UFSP2: variants seen among roughly 807,000 people sequenced by gnomAD.
UFSP2 encodes the protein ufm1-specific protease 2.
In UFSP2, 43 loss-of-function variants were observed where a neutral mutation model predicts 60.2. That is an observed-to-expected ratio of 0.71 (90% CI 0.56 to 0.92). The LOEUF is 0.92. Ranked by LOEUF, UFSP2 falls within the 40% of genes least tolerant of loss-of-function variation. The pLI, the probability that UFSP2 is intolerant of heterozygous loss-of-function variation, is 0.00. For missense variants in UFSP2, 520 were observed against 575.0 expected (o/e 0.90, Z 0.98); for synonymous variants, 183 against 195.1 (o/e 0.94, Z 0.52).
At chr4:185,420,159 C>T (rs1252852300) in intron 2 of UFSP2, among the ~76,000 whole-genome samples, 1 of 134,174 alleles carries the variant, frequency 7.5e-6, no homozygotes, top group Non-Finnish European at 1.6e-5. Context: ...ATAATCAAAG[C>T]TCTGTGTTCT....
At chr4:185,401,011 A>T (rs1485959640) in intron 11 of UFSP2, among the ~76,000 whole-genome samples, 1 of 152,242 alleles carries the variant, frequency 6.6e-6, no homozygotes, top group African/African-American at 2.4e-5. Flanking sequence ...AGAGAAAATT[A>T]CTTTCAAGCA....
At chr4:185,406,115 A>G (rs912992737) in intron 9 of UFSP2, 3 of 536,558 alleles carry the variant, frequency 5.6e-6, no homozygotes, top group Non-Finnish European at 6.2e-6. Flanking sequence ...CTTGAACTGT[A>G]TAAAGGAGGC....
rs1302248279 is a variant in UFSP2 at position 185,415,689 on chromosome 4, T to C, written c.491+21A>G. 23 of 1,594,976 alleles carry C rather than the reference T, an allele frequency of 1.4e-5. No homozygotes were observed. The Admixed American group carries it at 3.9e-4, about 27-fold the overall frequency. ...AAGGGCCCTCATTCAAATGTGGCAG[T>C]GGTACTATAAAAATACTTACTTTCC... is the stretch of plus-strand genomic sequence containing the variant. On this transcript the variant is annotated intron_variant, in intron 5 of 11. Coordinates refer to ENST00000264689, the MANE Select transcript of UFSP2 (RefSeq NM_018359.5).
chr4:185,404,909 C>T (rs886990676), intron 10 of UFSP2, among the ~76,000 whole-genome samples: 1 of 152,016 alleles, frequency 6.6e-6, no homozygotes. Flanking sequence ...AAAACATAAG[C>T]TCATACAATC....
intron 2 of UFSP2, among the ~76,000 whole-genome samples, chr4:185,419,192 C>T (rs1326692864): frequency 2.0e-5 from 3 of 151,850 alleles, no homozygotes; most frequent in Admixed American, 6.6e-5. Flanking sequence ...AGTGCAGTGG[C>T]GCGATCTGGG....
At chr4:185,424,039 G>A (rs1303666310) in intron 1 of UFSP2, among the ~76,000 whole-genome samples, 3 of 151,812 alleles carry the variant, frequency 2.0e-5, no homozygotes, top group South Asian at 2.1e-4. Context: ...AGTGGCTCAC[G>A]CCTGTAATCC....
chr4:185,404,044 A>C (rs1030812781), intron 10 of UFSP2, among the ~76,000 whole-genome samples: 1 of 151,750 alleles, frequency 6.6e-6, no homozygotes, highest in African/African-American at 2.4e-5. Context: ...ACTACCCTAC[A>C]CTATAAAAGA....
intron 7 of UFSP2, among the ~76,000 whole-genome samples, chr4:185,412,175 T>C (rs1332967077): frequency 2.0e-5 from 3 of 152,218 alleles, no homozygotes; most frequent in Non-Finnish European, 2.9e-5. Flanking sequence ...ATGATAAATA[T>C]GTAAAGTATA....
intron 11 of UFSP2, among the ~76,000 whole-genome samples, chr4:185,402,021 C>A (rs2095513845): frequency 6.6e-6 from 1 of 152,204 alleles, no homozygotes; most frequent in Non-Finnish European, 1.5e-5. Flanking sequence ...TCTGGACGCA[C>A]TGATCTACCT....
rs1384250837 is a variant in UFSP2, at chr4:185,408,001, T to G, written c.1056A>C (p.Gly352=). The G allele has an allele frequency of 6.2e-7, 1 of 1,614,136 alleles. No homozygotes were observed. The highest frequency in any genetic ancestry group is 1.1e-5 in the South Asian group (1 of 91,084). The change falls in exon 9 of 12, where the codon GGA becomes GGC. Residue 352 remains glycine, a synonymous_variant. Transcript: ENST00000264689. The stretch of plus-strand genomic sequence containing the variant: ...TTAGTACCAGCTGCACCTCAATAGA[T>G]CCAATCCATTGCCGCGATCCGACAA... ...ATFVGSRQWI[G]SIEVQLVLNQ... is the part of the protein sequence containing the mutation.
At chr4:185,410,624 G>A (rs938946607) in intron 7 of UFSP2, among the ~76,000 whole-genome samples, 24 of 151,368 alleles carry the variant, frequency 1.6e-4, no homozygotes, top group African/African-American at 5.8e-4. Context: ...CTCTAGCCTG[G>A]GCAACCGAGC....
At chr4:185,422,021 A>C (rs2153295117) in intron 2 of UFSP2, among the ~76,000 whole-genome samples, 1 of 152,326 alleles carries the variant, frequency 6.6e-6, no homozygotes. Context: ...CTGTAGTTCA[A>C]GTCAGCAACA....
At chr4:185,409,129 T>G (rs1026157496) in intron 7 of UFSP2, among the ~76,000 whole-genome samples, 10 of 152,020 alleles carry the variant, frequency 6.6e-5, no homozygotes, top group Admixed American at 2.6e-4. Flanking sequence ...GCTGAATGAA[T>G]GAAGGAAGGA....
chr4:185,407,430 A>G (rs1309658258), intron 9 of UFSP2, among the ~76,000 whole-genome samples: 1 of 152,120 alleles, frequency 6.6e-6, no homozygotes, highest in East Asian at 1.9e-4. Context: ...ATTAATTTAT[A>G]TTTTCTCATT....
rs901547985 is a variant in UFSP2 at position 185,400,359 on chromosome 4, C to A, written c.*33G>T. 2.1e-6 allele frequency: 3 copies of A among 1,460,206 alleles called. No homozygotes were observed. The highest frequency in any genetic ancestry group is 2.8e-6 in the Non-Finnish European group (3 of 1,053,208). 90.5% of individuals were successfully genotyped at this position (1,460,206 alleles called of 1,614,324 possible). On this transcript the variant is annotated 3_prime_UTR_variant, in exon 12 of 12. Transcript: ENST00000264689. ...ATTCTTTATTCACAAATTTATAATACCACTCTACTGCAGTCTTTGACTCCA... is the reference window on the plus strand; with the variant it reads ...ATTCTTTATTCACAAATTTATAATAACACTCTACTGCAGTCTTTGACTCCA...
At chr4:185,409,340 T>TA (rs1392695539) in intron 7 of UFSP2, among the ~76,000 whole-genome samples, 1 of 152,178 alleles carries the variant, frequency 6.6e-6, no homozygotes, top group Non-Finnish European at 1.5e-5. Context: ...TGTCTTTTTT[T>TA]ATTAAAGAAC....
In UFSP2 at chr4:185,414,012, AC is replaced by A. The variant is rs1377536475; in HGVS notation, c.685-141del. The A allele has an allele frequency of 8.9e-6, 6 of 673,510 alleles. No individual in the cohort carries two copies. In the African/African-American group the frequency reaches 1.1e-4, roughly 13 times the overall value. 41.7% of individuals were successfully genotyped at this position (673,510 alleles called of 1,614,324 possible). ...CAAACACTTATGGTTTAATTCACTA[AC>A]ATCAAAGATGGTGAAAACTGAACTA... On this transcript the variant is annotated intron_variant, in intron 6 of 11. Transcript: ENST00000264689.
chr4:185,409,577 A>C (rs1477872580), intron 7 of UFSP2, among the ~76,000 whole-genome samples: 1 of 152,188 alleles, frequency 6.6e-6, no homozygotes, highest in Non-Finnish European at 1.5e-5. Flanking sequence ...GAGAATATAT[A>C]TTCTGCCCAA....
At chr4:185,413,075 A>G (rs1166808106) in intron 7 of UFSP2, among the ~76,000 whole-genome samples, 2 of 152,104 alleles carry the variant, frequency 1.3e-5, no homozygotes, top group Admixed American at 6.5e-5. Context: ...GGAGGCCTAC[A>G]TGGCGGATCA....
Sources: gnomAD v4.1 joint callset for allele counts (sites outside exome capture counted in the v4.1 genomes callset) on GRCh38, gnomAD v4.1.1 for gene constraint, MANE v1.5 for transcripts, NCBI Gene and HGNC (gene_info 2026-07-23, HGNC 2026-07-21) for gene names.